The following ZBTB45 variants were observed in gnomAD, a reference collection of about 807,000 sequenced individuals.
The protein encoded by ZBTB45 is zinc finger and BTB domain-containing protein 45.
In ZBTB45, 22 loss-of-function variants were observed where a neutral mutation model predicts 28.4. The observed-to-expected ratio is 0.77, with a 90% confidence interval of 0.55 to 1.10. ZBTB45 has a LOEUF of 1.10. Among genes scored for constraint, ZBTB45 ranks in the 50% least tolerant of loss-of-function variants. The pLI, the probability that ZBTB45 is intolerant of heterozygous loss-of-function variation, is 0.00. For synonymous variants in ZBTB45, 361 were observed against 332.3 expected, an observed-to-expected ratio of 1.09 and a Z score of -0.94; for missense variants, 656 against 750.2, an observed-to-expected ratio of 0.87 and a Z score of 1.47.
At position 58,516,159 on chromosome 19, in the gene ZBTB45, G is replaced by C. The variant is rs1294372816; in HGVS notation, c.1279+236C>G. On this transcript the variant is annotated intron_variant, in intron 2 of 2. Coordinates refer to ENST00000594051, the MANE Select transcript of ZBTB45 (RefSeq NM_001316979.2). The surrounding 1 kb of genome is among the most constrained non-coding windows in gnomAD (Gnocchi z 6.2). ...CTTCCAAAGGCCAGGACAGGCTCCT[G>C]CTTCCCTACCCAGCCTCAGGATCCC... Among the ~76,000 whole-genome samples, 1 of 152,128 alleles carries C rather than the reference G, an allele frequency of 6.6e-6. No homozygotes were observed. Among genetic ancestry groups the C allele is most frequent in the Non-Finnish European group, 1.5e-5 (1 of 68,020 alleles).
chr19:58,535,892 AT>A (rs1255913769), intron 1 of ZBTB45, among the ~76,000 whole-genome samples: 1 of 152,014 alleles, frequency 6.6e-6, no homozygotes, highest in African/African-American at 2.4e-5. Context: ...TGTCCTTGTG[AT>A]TTTCTCTAGC....
At chr19:58,524,403 ATATGTG>A (rs1275967612), upstream of ZBTB45, among the ~76,000 whole-genome samples, 1,265 of 138,446 alleles carry the variant, frequency 9.1e-3, 21 homozygotes, top group East Asian at 0.042. Context: ...ATGTGTATAT[ATATGTG>A]TGTGTGTGTG....
At chr19:58,525,605 G>C (rs993220653) in intron 1 of ZBTB45, among the ~76,000 whole-genome samples, 109 of 152,332 alleles carry the variant, frequency 7.2e-4, no homozygotes, top group African/African-American at 2.5e-3. Flanking sequence ...GGTGGAGCCA[G>C]GGAGGTGGTA....
At chr19:58,531,598 T>G (rs1311396727) in intron 1 of ZBTB45, among the ~76,000 whole-genome samples, 2 of 152,224 alleles carry the variant, frequency 1.3e-5, no homozygotes, top group East Asian at 3.8e-4. Flanking sequence ...TGGGGCCATG[T>G]GTTCCCCTGA....
chr19:58,524,690 T>A (rs1265002943), upstream of ZBTB45, among the ~76,000 whole-genome samples: 7 of 151,886 alleles, frequency 4.6e-5, no homozygotes, highest in Middle Eastern at 3.2e-3. Context: ...GAGACCATCC[T>A]GGCTAACACG....
Position 58,536,397 on chromosome 19 carries a change from C to T in ZBTB45, c.-1+2304G>A, listed in dbSNP as rs555119153. 2.3e-4 allele frequency among the ~76,000 whole-genome samples: 34 copies of T among 147,118 alleles called. No homozygotes were observed. The South Asian group carries it at 5.2e-3, about 23-fold the overall frequency. On this transcript the variant is annotated intron_variant, in intron 1 of 1. Transcript: ENST00000600130. The stretch of plus-strand genomic sequence containing the variant: ...AGGAGAATGGCGTGAACCCGGGAGG[C>T]GGAGTTTGCAGTGAGCCAAGATCGC...
chr19:58,520,621 G>A (rs908117092), upstream of ZBTB45, among the ~76,000 whole-genome samples: 2 of 152,166 alleles, frequency 1.3e-5, no homozygotes, highest in Non-Finnish European at 2.9e-5. Flanking sequence ...GTCCTTAAAG[G>A]CAGAAGAGGA....
Position 58,535,526 on chromosome 19 carries a change from T to C in ZBTB45, c.-1+3175A>G, listed in dbSNP as rs377247327. Among the ~76,000 whole-genome samples the C allele has an allele frequency of 7.2e-5, 11 of 152,034 alleles. 1 individual carries two copies. In the South Asian group the frequency reaches 1.5e-3, roughly 20 times the overall value. Reference sequence around the variant, plus strand: ...GGTTAGTGCCTGTAATCCCAGCTACTCAGGAGGATCAGGCAGGAGAATCAC... The same window carrying C: ...GGTTAGTGCCTGTAATCCCAGCTACCCAGGAGGATCAGGCAGGAGAATCAC... On this transcript the variant is annotated intron_variant, in intron 1 of 1. Coordinates refer to the ZBTB45 transcript ENST00000600130.
chr19:58,529,559 T>A (rs2053625718), intron 1 of ZBTB45, among the ~76,000 whole-genome samples: 2 of 152,214 alleles, frequency 1.3e-5, no homozygotes, highest in Admixed American at 1.3e-4. Context: ...CTCTCCTCAG[T>A]CCCTGGAAAC....
intron 1 of ZBTB45, among the ~76,000 whole-genome samples, chr19:58,524,948 T>C (rs1421535258): frequency 6.6e-6 from 1 of 151,326 alleles, no homozygotes; most frequent in African/African-American, 2.4e-5. Flanking sequence ...ATGGTGGCCA[T>C]TGAGGGAAGA....
chr19:58,532,988 C>T (rs1241959515), intron 1 of ZBTB45, among the ~76,000 whole-genome samples: 2 of 152,156 alleles, frequency 1.3e-5, no homozygotes, highest in Non-Finnish European at 2.9e-5. Flanking sequence ...GCATGTGCCA[C>T]CATGCCTGGC....
upstream of ZBTB45, among the ~76,000 whole-genome samples, chr19:58,521,033 C>G (rs555164324): frequency 1.2e-5 from 1 of 82,144 alleles, no homozygotes; most frequent in East Asian, 4.2e-4. Context: ...GCCTGGGCGA[C>G]AGAACGAGAC....
rs755015259 is a variant in ZBTB45 at position 58,516,683 on chromosome 19, G to C, written c.991C>G (p.Leu331Val). The change falls in exon 2 of 3, where the codon CTC becomes GTC. Residue 331 changes from leucine (L) to valine (V), a missense_variant. By Grantham distance (32) the Leu-to-Val change is conservative (BLOSUM62 1). This residue lies in a region of ZBTB45 where 448 missense variants were observed against 444.3 expected (regional missense o/e 1.01). Transcript: ENST00000594051. This position sits in a 1 kb window ranked among gnomAD's most constrained non-coding sequence, Gnocchi z 6.2. Reference sequence around the variant, plus strand: ...GGGGCACCCAAGTGAAAGGGGAAGAGTGCAACGGGCGGCCCTGGGGTCTTC... The same window carrying C: ...GGGGCACCCAAGTGAAAGGGGAAGACTGCAACGGGCGGCCCTGGGGTCTTC... ...GVKTPGPPVA[L>V]FPFHLGAPGP... 4 of 1,574,888 alleles carry C rather than the reference G, an allele frequency of 2.5e-6. No homozygotes were observed. The highest frequency in any genetic ancestry group is 3.5e-6 in the Non-Finnish European group (4 of 1,158,986).
At chr19:58,534,797 C>G (rs1048069027) in intron 1 of ZBTB45, among the ~76,000 whole-genome samples, 9 of 151,862 alleles carry the variant, frequency 5.9e-5, no homozygotes, top group Non-Finnish European at 8.8e-5. Context: ...ACCTTGTGAT[C>G]CGCCCACCTC....
At chr19:58,535,036 A>G (rs2053653596) in intron 1 of ZBTB45, among the ~76,000 whole-genome samples, 1 of 151,026 alleles carries the variant, frequency 6.6e-6, no homozygotes, top group Admixed American at 6.6e-5. Context: ...TTGTATTTTT[A>G]GTAGAGAAGG....
In ZBTB45 at chr19:58,517,558, A is replaced by G; in HGVS notation, c.116T>C (p.Ile39Thr). The G allele has an allele frequency of 6.2e-7, 1 of 1,613,748 alleles. No individual in the cohort carries two copies. The highest frequency in any genetic ancestry group is 8.5e-7 in the Non-Finnish European group (1 of 1,179,968). Reference protein sequence around the residue: ...GGHFCDVTVRIREASLRAHRC... With the variant: ...GGHFCDVTVRTREASLRAHRC... ...GTGGGCACGCAGCGAAGCTTCACGA[A>G]TGCGCACAGTCACGTCACAGAAGTG... The change falls in exon 2 of 3, where the codon ATT becomes ACT. Residue 39 changes from isoleucine (I) to threonine (T), a missense_variant. Physicochemically the swap from Ile to Thr is moderately conservative, Grantham distance 89. Around this residue, in one of 3 missense-constraint regions of ZBTB45, gnomAD observed 105 missense variants for 152.4 expected, o/e 0.69. Coordinates refer to ENST00000594051, the MANE Select transcript of ZBTB45 (RefSeq NM_001316979.2).
chr19:58,524,457 G>A (rs2053596630), upstream of ZBTB45, among the ~76,000 whole-genome samples: 1 of 150,902 alleles, frequency 6.6e-6, no homozygotes, highest in African/African-American at 2.4e-5. Flanking sequence ...GTGTGTGTGT[G>A]TGTGTGTGTG....
In ZBTB45 at chr19:58,532,164, C is replaced by T. The variant is rs141244019; in HGVS notation, c.-1+6537G>A. Reference sequence around the variant, plus strand: ...GTGGAGCTCTGAACAGTCCCTTCTACTCTCTGGGAATGTTTTCCCATCTGT... The same window carrying T: ...GTGGAGCTCTGAACAGTCCCTTCTATTCTCTGGGAATGTTTTCCCATCTGT... On this transcript the variant is annotated intron_variant, in intron 1 of 1. Transcript: ENST00000600130. Among the ~76,000 whole-genome samples, 193 of 152,262 alleles carry T rather than the reference C, an allele frequency of 1.3e-3. 1 individual carries two copies. The East Asian group carries it at 0.034, about 27-fold the overall frequency.
Position 58,516,323 on chromosome 19 carries a change from A to G in ZBTB45, c.1279+72T>C, listed in dbSNP as rs2053492905. The G allele has an allele frequency of 2.5e-6, 4 of 1,573,094 alleles. No homozygotes were observed. The Admixed American group carries it at 6.9e-5, about 27-fold the overall frequency. ...AGAACAGTGCCAGTGCCCTGTAACT[A>G]GTGCTCAATTCCCCCTCAGGTTTAA... On this transcript the variant is annotated intron_variant, in intron 2 of 2. Coordinates refer to ENST00000594051, the MANE Select transcript of ZBTB45 (RefSeq NM_001316979.2). This position sits in a 1 kb window ranked among gnomAD's most constrained non-coding sequence, Gnocchi z 6.2.
Sources: gnomAD v4.1 joint callset for allele counts (sites outside exome capture counted in the v4.1 genomes callset) on GRCh38, gnomAD v4.1.1 for gene constraint, gnomAD v4.1.1 regional missense constraint, Gnocchi (gnomAD v3.1) non-coding constraint, MANE v1.5 for transcripts, NCBI Gene and HGNC (gene_info 2026-07-23, HGNC 2026-07-21) for gene names.